The following RGS9 variants were observed in gnomAD, a reference collection of about 807,000 sequenced individuals.
RGS9 encodes the protein regulator of G protein signaling 9, also known as regulator of G-protein signalling 9.
Under a neutral mutation model 102.0 loss-of-function variants are expected in RGS9, and 78 were observed. The ratio of observed to expected loss-of-function variants is 0.76; its 90% CI spans 0.64 to 0.92. RGS9 has a LOEUF of 0.92. Ranked by LOEUF, RGS9 falls within the 40% of genes least tolerant of loss-of-function variation. The pLI is 0.00. For synonymous variants in RGS9, 353 were observed against 318.6 expected (o/e 1.11, Z -1.15); for missense variants, 833 against 866.1 (o/e 0.96, Z 0.48).
At position 65,153,463 on chromosome 17, in the gene RGS9, G is replaced by C. The variant is rs1391883673; in HGVS notation, c.99G>C (p.Gly33=). 4 of 1,614,206 alleles carry C rather than the reference G, an allele frequency of 2.5e-6. No homozygotes were observed. The highest frequency in any genetic ancestry group is 3.4e-6 in the Non-Finnish European group (4 of 1,180,032). Residue 33 remains glycine, a synonymous_variant, in exon 2 of 19, where the codon GGG becomes GGC. Transcript: ENST00000262406. ...LVKDMQNPET[G]VRMQNQRVLV... ...AGGACATGCAGAACCCAGAGACAGG[G>C]GTCCGAATGCAGAACCAGAGGGTCC...
intron 6 of RGS9, 32 bp downstream of exon 6, chr17:65,160,941 T>C: frequency 1.3e-6 from 2 of 1,550,948 alleles, no homozygotes; most frequent in Non-Finnish European, 1.8e-6. Context: ...GAGGTTGTTA[T>C]AATTGAGTGG....
At chr17:65,200,058 G>A (rs1912767546) in intron 13 of RGS9, among the ~76,000 whole-genome samples, 1 of 151,380 alleles carries the variant, frequency 6.6e-6, no homozygotes, top group Non-Finnish European at 1.5e-5. Context: ...TTGAGACGGA[G>A]TCTTGCTCTG....
At chr17:65,164,326 G>C (rs527459332) in intron 7 of RGS9, among the ~76,000 whole-genome samples, 1 of 152,192 alleles carries the variant, frequency 6.6e-6, no homozygotes, top group Admixed American at 6.5e-5. Flanking sequence ...TATCAGAGCA[G>C]CCCTGTCATC....
intron 8 of RGS9, among the ~76,000 whole-genome samples, chr17:65,172,913 T>G (rs1314983688): frequency 6.7e-6 from 1 of 149,916 alleles, no homozygotes; most frequent in Non-Finnish European, 1.5e-5. Flanking sequence ...ATTTCTTTTT[T>G]CTTTCTTTCT....
intron 1 of RGS9, among the ~76,000 whole-genome samples, chr17:65,146,986 G>C (rs1253850130): frequency 6.6e-6 from 1 of 152,152 alleles, no homozygotes; most frequent in East Asian, 1.9e-4. Context: ...AGTCACTCCT[G>C]CAGCCTGTTG....
intron 1 of RGS9, among the ~76,000 whole-genome samples, chr17:65,140,889 A>C (rs1910131859): frequency 6.6e-6 from 1 of 151,738 alleles, no homozygotes; most frequent in Non-Finnish European, 1.5e-5. Flanking sequence ...TCTGTCTAAA[A>C]AAAAAAAAAG....
chr17:65,154,511 C>T (rs538954594), intron 2 of RGS9, among the ~76,000 whole-genome samples: 9 of 152,024 alleles, frequency 5.9e-5, no homozygotes, highest in Non-Finnish European at 1.3e-4. Context: ...TTTAATGAAA[C>T]CAAGTAGCAG....
chr17:65,144,344 G>T (rs1042856978), intron 1 of RGS9, among the ~76,000 whole-genome samples: 4 of 152,190 alleles, frequency 2.6e-5, no homozygotes, highest in Admixed American at 2.6e-4. Flanking sequence ...GTGAGGAGCA[G>T]CGTGGGCGTG....
Position 65,144,831 on chromosome 17 carries a change from G to A in RGS9, c.57+7234G>A, listed in dbSNP as rs186231078. On this transcript the variant is annotated intron_variant, in intron 1 of 18. Transcript: ENST00000262406. ...GTCTGTATGAGTTTGTAGGGCTGTC[G>A]TCACAAAGATGCATAGACTGAGTGG... Among the ~76,000 whole-genome samples, 9 of 152,274 alleles carry A rather than the reference G, an allele frequency of 5.9e-5. No homozygotes were observed. In the South Asian group the frequency reaches 6.2e-4, roughly 11 times the overall value.
intron 14 of RGS9, among the ~76,000 whole-genome samples, chr17:65,203,397 A>G (rs1440861266): frequency 6.6e-6 from 1 of 152,156 alleles, no homozygotes; most frequent in Non-Finnish European, 1.5e-5. Context: ...CCTGATTCCA[A>G]AAATCTGCTA....
Position 65,168,294 on chromosome 17 carries a change from C to T in RGS9, c.582+13C>T, listed in dbSNP as rs1367741030. The T allele has an allele frequency of 3.8e-6, 6 of 1,585,156 alleles. No individual in the cohort carries two copies. The highest frequency in any genetic ancestry group is 1.7e-5 in the Admixed American group (1 of 58,816). On this transcript the variant is annotated intron_variant, in intron 8 of 18. Transcript: ENST00000262406. ...GCACCGATGCCCTGTGAGTATCCTCCTGCCTGGTGTCCTCTGTCTCTTCCT... is the reference window on the plus strand; with the variant it reads ...GCACCGATGCCCTGTGAGTATCCTCTTGCCTGGTGTCCTCTGTCTCTTCCT...
In RGS9 at chr17:65,207,994, A is replaced by G. The variant is rs1238595893; in HGVS notation, c.1276A>G (p.Thr426Ala). 1 of 1,611,936 alleles carries G rather than the reference A, an allele frequency of 6.2e-7. No homozygotes were observed. The highest frequency in any genetic ancestry group is 8.5e-7 in the Non-Finnish European group (1 of 1,178,074). The change falls in exon 16 of 19, where the codon ACC (threonine) becomes GCC (alanine). Residue 426 changes from threonine (T) to alanine (A), a missense_variant. This residue lies in a region of RGS9 where 185 missense variants were observed against 248.7 expected (regional missense o/e 0.74). Transcript: ENST00000262406. ...GGCCAAAGCTATTGAACCTCAGGAAACCACCAAGAAAAGGCAAGTGGAATT... is the reference window on the plus strand; with the variant it reads ...GGCCAAAGCTATTGAACCTCAGGAAGCCACCAAGAAAAGGCAAGTGGAATT... ...MLAKAIEPQE[T>A]TKKSSTLPFM... is the part of the protein sequence containing the mutation.
In RGS9 at chr17:65,185,976, C is replaced by T. The variant is rs971856957; in HGVS notation, c.655-3310C>T. ...GAGCCCTGTGCCCCCATGTTCTGGCCGCAGAACAGTGGCCGACAGGCAGAA... is the reference window on the plus strand; with the variant it reads ...GAGCCCTGTGCCCCCATGTTCTGGCTGCAGAACAGTGGCCGACAGGCAGAA... On this transcript the variant is annotated intron_variant, in intron 9 of 18. Transcript: ENST00000262406. Among the ~76,000 whole-genome samples, 10 of 152,190 alleles carry T rather than the reference C, an allele frequency of 6.6e-5. No individual in the cohort carries two copies. In the East Asian group the frequency reaches 1.4e-3, roughly 21 times the overall value.
chr17:65,197,314 G>T, intron 13 of RGS9, 73 bp downstream of exon 13: 1 of 1,009,862 alleles, frequency 9.9e-7, no homozygotes, highest in Non-Finnish European at 1.5e-6. Flanking sequence ...CTAGCCTAGG[G>T]TTTGGGGAAT....
At chr17:65,193,210 G>A (rs1912445930) in intron 11 of RGS9, among the ~76,000 whole-genome samples, 1 of 147,988 alleles carries the variant, frequency 6.8e-6, no homozygotes, top group Admixed American at 6.7e-5. Flanking sequence ...GGCGGAGGCT[G>A]CAGTGAGCCA....
intron 1 of RGS9, among the ~76,000 whole-genome samples, chr17:65,138,983 C>CCCTCCTACATCCTAGCCTCA (rs1910026553): frequency 6.8e-6 from 1 of 147,512 alleles, no homozygotes; most frequent in African/African-American, 2.6e-5. Flanking sequence ...CCCCAGCATC[C>CCCTCCTACATCCTAGCCTCA]CCTCCTCCAC....
rs56275900 is a variant in RGS9 at position 65,179,635 on chromosome 17, C to CTGTGTGTGTGTGTGTG, written c.654+1864_654+1879dup. On this transcript the variant is annotated intron_variant, in intron 9 of 18. Coordinates refer to ENST00000262406, the MANE Select transcript of RGS9 (RefSeq NM_003835.4). ...TGACCCAAGCCAGGATACTGCTCAG[C>CTGTGTGTGTGTGTGTG]TGTGTGTGTGTGTGTGTGTGTGTGT... 1.4e-3 allele frequency among the ~76,000 whole-genome samples: 175 copies of CTGTGTGTGTGTGTGTG among 125,072 alleles called. 2 individuals are homozygous for CTGTGTGTGTGTGTGTG. Among genetic ancestry groups the CTGTGTGTGTGTGTGTG allele is most frequent in the African/African-American group, 4.9e-3 (152 of 30,742 alleles). The allele number at this position is 125,072 out of a possible 152,430, so 82.1% of individuals were successfully genotyped here.
At position 65,137,395 on chromosome 17, in the gene RGS9, G is replaced by C; in HGVS notation, c.-146G>C. On this transcript the variant is annotated 5_prime_UTR_variant, in exon 1 of 19. Transcript: ENST00000262406. ...AGTCAGCGGCGCCTAGTGAGAGTCA[G>C]GGGGGCCCGGCCCGCGCCCTCCCCG... is the stretch of plus-strand genomic sequence containing the variant. 1 of 760,156 alleles carries C rather than the reference G, an allele frequency of 1.3e-6. No homozygotes were observed. Among genetic ancestry groups the C allele is most frequent in the Non-Finnish European group, 2.3e-6 (1 of 439,466 alleles). The allele number at this position is 760,156 out of a possible 1,614,324, so 47.1% of individuals were successfully genotyped here.
At chr17:65,221,893 C>G (rs1913717148) in intron 17 of RGS9, among the ~76,000 whole-genome samples, 1 of 152,182 alleles carries the variant, frequency 6.6e-6, no homozygotes, top group African/African-American at 2.4e-5. Flanking sequence ...TAATCACCTC[C>G]CAAAGACCCC....
Sources: gnomAD v4.1 joint callset for allele counts (sites outside exome capture counted in the v4.1 genomes callset) on GRCh38, gnomAD v4.1.1 for gene constraint, gnomAD v4.1.1 regional missense constraint, MANE v1.5 for transcripts, NCBI Gene and HGNC (gene_info 2026-07-23, HGNC 2026-07-21) for gene names.